Variants in CD36 observed in about 807,000 individuals in gnomAD.
CD36 encodes platelet glycoprotein 4.
A neutral mutation model predicts 55.2 loss-of-function variants in CD36; 119 were observed. That is an observed-to-expected ratio of 2.15 (90% CI 1.86 to 2.51). The LOEUF (loss-of-function observed/expected upper bound fraction) is 2.51. CD36 is among the 30% of genes most tolerant of loss of function. The pLI is 0.00. For missense variants in CD36, 819 were observed against 555.5 expected, an observed-to-expected ratio of 1.47 and a Z score of -4.77; for synonymous variants, 186 against 193.6, an observed-to-expected ratio of 0.96 and a Z score of 0.33.
chr7:80,631,074 A>G (rs1031000109), intron 1 of CD36, among the ~76,000 whole-genome samples: 2 of 152,046 alleles, frequency 1.3e-5, no homozygotes, highest in African/African-American at 4.8e-5. Context: ...CTGAGGATCT[A>G]AGTGCAAATT....
intron 10 of CD36, 29 bp from the exon 11 acceptor site, chr7:80,671,893 T>C (rs1010873749): frequency 4.4e-6 from 7 of 1,602,056 alleles, no homozygotes; most frequent in Non-Finnish European, 6.0e-6. Context: ...AGTTATTAAT[T>C]CCAATTGACT....
At position 80,676,789 on chromosome 7, in the gene CD36, G is replaced by A. The variant is rs1178439201; in HGVS notation, c.*406G>A. The A allele has an allele frequency of 6.6e-6, 1 of 151,304 alleles. No individual in the cohort carries two copies. The highest frequency in any genetic ancestry group is 2.4e-5 in the African/African-American group (1 of 41,192). 9.4% of individuals were successfully genotyped at this position (151,304 alleles called of 1,614,324 possible). ...CATTCTCTGTTCTGCACCTCTTCTGGAAATTGAGTAAATTTTGCTTTTTTT... is the reference window on the plus strand; with the variant it reads ...CATTCTCTGTTCTGCACCTCTTCTGAAAATTGAGTAAATTTTGCTTTTTTT... On this transcript the variant is annotated 3_prime_UTR_variant, in exon 15 of 15. Coordinates refer to ENST00000447544, the MANE Select transcript of CD36 (RefSeq NM_001001548.3).
At position 80,646,184 on chromosome 7, in the gene CD36, A is replaced by C. The variant is rs919167387; in HGVS notation, c.-90+3A>C. ...CTTGCTGTTGATTTGTGAATAAGGT[A>C]TCGTAAATAAAACATCTGTTACCAT... On this transcript the variant is annotated splice_donor_region_variant and intron_variant, in intron 2 of 14. Coordinates refer to ENST00000447544, the MANE Select transcript of CD36 (RefSeq NM_001001548.3). The C allele has an allele frequency of 6.4e-6, 1 of 157,228 alleles. No individual in the cohort carries two copies. The highest frequency in any genetic ancestry group is 1.8e-4 in the East Asian group (1 of 5,430). The allele number at this position is 157,228 out of a possible 1,614,324, so 9.7% of individuals were successfully genotyped here. A position where few individuals can be genotyped will look rare whatever the true frequency, so the allele number is the denominator to read the frequency against.
upstream of CD36, among the ~76,000 whole-genome samples, chr7:80,636,680 C>T (rs1794431456): frequency 6.6e-6 from 1 of 152,088 alleles, no homozygotes; most frequent in African/African-American, 2.4e-5. Context: ...CACATCCCTT[C>T]AAAATATGGT....
chr7:80,632,414 T>C (rs1480066072), intron 1 of CD36, among the ~76,000 whole-genome samples: 2 of 152,066 alleles, frequency 1.3e-5, no homozygotes, highest in Non-Finnish European at 2.9e-5. Context: ...AAAACGTTTG[T>C]GTGTGTATAC....
intron 7 of CD36, among the ~76,000 whole-genome samples, chr7:80,664,782 T>TTCA (rs1290014580): frequency 6.6e-6 from 1 of 151,986 alleles, no homozygotes; most frequent in African/African-American, 2.4e-5. Context: ...GGACTATTTT[T>TTCA]TCATCTCTGC....
intron 3 of CD36, among the ~76,000 whole-genome samples, chr7:80,649,738 ATTTACT>A (rs1370047124): frequency 6.6e-6 from 1 of 152,106 alleles, no homozygotes; most frequent in Non-Finnish European, 1.5e-5. Flanking sequence ...TAAACAGTAG[ATTTACT>A]TTTAGAGAGT....
intron 1 of CD36, among the ~76,000 whole-genome samples, chr7:80,626,646 A>G (rs1462958203): frequency 6.6e-6 from 1 of 152,106 alleles, no homozygotes; most frequent in Non-Finnish European, 1.5e-5. Flanking sequence ...GTAAGATTTT[A>G]CAGTATTATG....
chr7:80,667,218 C>T (rs3211922), intron 8 of CD36, among the ~76,000 whole-genome samples: 67 of 151,892 alleles, frequency 4.4e-4, no homozygotes, highest in Admixed American at 6.6e-4. Flanking sequence ...ACTTGTGCCC[C>T]GGAGGTTGAG....
chr7:80,613,274 TA>T (rs1416534325), intron 1 of CD36, among the ~76,000 whole-genome samples: 1 of 152,074 alleles, frequency 6.6e-6, no homozygotes, highest in East Asian at 1.9e-4. Context: ...TATGTAAACT[TA>T]AGTTTCTCTA....
chr7:80,674,080 T>C lies in CD36; in HGVS notation c.1352T>C (p.Val451Ala), dbSNP rs1458693892. ...CTGATAGAAATGATCTTACTCAGTG[T>C]TGGTGTGGTGATGTTTGTTGCTTTT... is the stretch of plus-strand genomic sequence containing the variant. ...LGLIEMILLS[V>A]GVVMFVAFMI... Residue 451 changes from valine to alanine, a missense_variant, in exon 14 of 15, where the codon GTT (valine) becomes GCT (alanine). Val to Ala is a moderately conservative substitution (Grantham distance 64). Coordinates refer to ENST00000447544, the MANE Select transcript of CD36 (RefSeq NM_001001548.3). 2.5e-6 allele frequency: 4 copies of C among 1,612,124 alleles called. No individual in the cohort carries two copies. Among genetic ancestry groups the C allele is most frequent in the East Asian group, 2.2e-5 (1 of 44,708 alleles).
Position 80,670,914 on chromosome 7 carries a change from A to G in CD36, c.819-63A>G, listed in dbSNP as rs1435199958. ...TCTAAGTTAAAACAAGAATAAGAAA[A>G]AATGAATCTCCAGAATGTAAGTTCA... is the stretch of plus-strand genomic sequence containing the variant. On this transcript the variant is annotated intron_variant, in intron 9 of 14. Coordinates refer to ENST00000447544, the MANE Select transcript of CD36 (RefSeq NM_001001548.3). 8.0e-6 allele frequency: 9 copies of G among 1,124,320 alleles called. No homozygotes were observed. The Admixed American group carries it at 1.3e-4, about 16-fold the overall frequency. 69.6% of individuals were successfully genotyped at this position (1,124,320 alleles called of 1,614,324 possible).
chr7:80,620,028 T>C (rs1325077097), intron 1 of CD36, among the ~76,000 whole-genome samples: 1 of 152,072 alleles, frequency 6.6e-6, no homozygotes, highest in African/African-American at 2.4e-5. Context: ...TTGTTTTTGT[T>C]TTTTTTTAGA....
chr7:80,637,908 CTTT>C (rs3044686), upstream of CD36, among the ~76,000 whole-genome samples: 2 of 144,904 alleles, frequency 1.4e-5, no homozygotes, highest in Non-Finnish European at 1.5e-5. Flanking sequence ...CAACATAATG[CTTT>C]TTTTTTTTTT....
rs747098468 is a variant in CD36 at position 80,671,017 on chromosome 7, G to T, written c.859G>T (p.Gly287Ter). The change falls in exon 10 of 15, where the codon GGA becomes TGA. Residue 287 changes from glycine to a stop codon, truncating the protein, a stop_gained. Coordinates refer to ENST00000447544, the MANE Select transcript of CD36 (RefSeq NM_001001548.3). LOFTEE classifies it high-confidence loss of function. ...AVFESDVNLK[G>*]IPVYRFVLPS... is the part of the protein sequence containing the mutation. ...ATTTGAATCCGACGTTAATCTGAAA[G>T]GAATCCCTGTGTATAGATTTGTTCT... 20 of 1,613,372 alleles carry T rather than the reference G, an allele frequency of 1.2e-5. 2 individuals carry two copies. The Middle Eastern group carries it at 4.9e-4, about 40-fold the overall frequency.
intron 3 of CD36, among the ~76,000 whole-genome samples, chr7:80,652,493 C>T (rs1026207940): frequency 3.3e-5 from 5 of 152,174 alleles, no homozygotes; most frequent in African/African-American, 1.2e-4. Flanking sequence ...CTAATTCATT[C>T]TCAACTTACA....
intron 4 of CD36, among the ~76,000 whole-genome samples, chr7:80,660,142 C>A (rs1192534558): frequency 6.6e-6 from 1 of 152,092 alleles, no homozygotes; most frequent in Admixed American, 6.6e-5. Flanking sequence ...TATGACAGTG[C>A]AATTATGATA....
chr7:80,618,220 T>C (rs1793271285), intron 1 of CD36, among the ~76,000 whole-genome samples: 1 of 152,156 alleles, frequency 6.6e-6, no homozygotes, highest in African/African-American at 2.4e-5. Context: ...AGCATCATTT[T>C]TGCCATTTGT....
At position 80,657,654 on chromosome 7, in the gene CD36, GTC is replaced by G. The variant is rs533317143; in HGVS notation, c.281+956_281+957del. On this transcript the variant is annotated intron_variant, in intron 4 of 14. Coordinates refer to ENST00000447544, the MANE Select transcript of CD36 (RefSeq NM_001001548.3). The stretch of plus-strand genomic sequence containing the variant: ...CTTCCATTTCAATTATAGACACTCT[GTC>G]TTTTTCACTAAAAAGGGAAAAAAGG... Among the ~76,000 whole-genome samples, 17 of 152,100 alleles carry G rather than the reference GTC, an allele frequency of 1.1e-4. No homozygotes were observed. The South Asian group carries it at 3.5e-3, about 32-fold the overall frequency.
Sources: gnomAD v4.1 joint callset for allele counts (sites outside exome capture counted in the v4.1 genomes callset) on GRCh38, gnomAD v4.1.1 for gene constraint, MANE v1.5 for transcripts, NCBI Gene and HGNC (gene_info 2026-07-23, HGNC 2026-07-21) for gene names.